The following KHDRBS2 variants were observed in gnomAD, a reference collection of about 807,000 sequenced individuals.
The protein encoded by KHDRBS2 is KH domain-containing, RNA-binding, signal transduction-associated protein 2.
A neutral mutation model predicts 44.3 loss-of-function variants in KHDRBS2; 26 were observed. The ratio of observed to expected loss-of-function variants is 0.59; its 90% CI spans 0.43 to 0.81. KHDRBS2 has a LOEUF of 0.81. Ranked by LOEUF, KHDRBS2 falls within the 40% of genes least tolerant of loss-of-function variation. The pLI is 0.00. For synonymous variants in KHDRBS2, 194 were observed against 151.1 expected (o/e 1.28, Z -2.08); for missense variants, 476 against 433.1 (o/e 1.10, Z -0.88).
the KHDRBS2 span, among the ~76,000 whole-genome samples, chr6:61,642,523 A>C: frequency 1.3e-5 from 2 of 150,046 alleles, no homozygotes; most frequent in Non-Finnish European, 3.0e-5. Context: ...TTAGCCGGGC[A>C]TGGTGGAGTG....
At chr6:61,586,786 G>A in the KHDRBS2 span, among the ~76,000 whole-genome samples, 56 of 152,152 alleles carry the variant, frequency 3.7e-4, no homozygotes, top group African/African-American at 1.0e-3. Flanking sequence ...TGAGGGAGAC[G>A]GAGGGCCCTG....
At chr6:61,756,862 C>T (rs1475116449) in intron 6 of KHDRBS2, among the ~76,000 whole-genome samples, 3 of 152,208 alleles carry the variant, frequency 2.0e-5, no homozygotes, top group African/African-American at 7.2e-5. Context: ...ATTCCTCTCT[C>T]CCTTCCCTCT....
chr6:62,105,028 T>C (rs1802831613), intron 2 of KHDRBS2, among the ~76,000 whole-genome samples: 1 of 152,068 alleles, frequency 6.6e-6, no homozygotes, highest in Non-Finnish European at 1.5e-5. Context: ...GTCTGTAAAT[T>C]GAAAACAGAA....
At chr6:61,905,461 A>C (rs954085377) in intron 4 of KHDRBS2, among the ~76,000 whole-genome samples, 4 of 152,194 alleles carry the variant, frequency 2.6e-5, no homozygotes, top group Non-Finnish European at 5.9e-5. Context: ...AAAAAAAAAA[A>C]TTGAAGGTGG....
chr6:61,945,148 T>TACACACAC (rs1227455840), intron 4 of KHDRBS2, among the ~76,000 whole-genome samples: 6 of 71,450 alleles, frequency 8.4e-5, no homozygotes, highest in African/African-American at 2.9e-4. Flanking sequence ...TATATATATA[T>TACACACAC]ATACACACAG....
At chr6:61,574,500 A>G in the KHDRBS2 span, 2 of 1,072,312 alleles carry the variant, frequency 1.9e-6, no homozygotes, top group Non-Finnish European at 2.6e-6. Flanking sequence ...TGCATTAAAA[A>G]TTTCGGCTGG....
chr6:62,069,181 C>T (rs566714997), intron 2 of KHDRBS2, among the ~76,000 whole-genome samples: 1 of 151,644 alleles, frequency 6.6e-6, no homozygotes, highest in African/African-American at 2.4e-5. Context: ...ACTAAGCCTA[C>T]TGTTGACTGG....
At chr6:62,207,161 A>C (rs1481781098) in intron 1 of KHDRBS2, among the ~76,000 whole-genome samples, 1 of 152,088 alleles carries the variant, frequency 6.6e-6, no homozygotes, top group East Asian at 1.9e-4. Flanking sequence ...TAATTTTCTA[A>C]ATTATAAAAC....
At chr6:61,569,629 C>T in the KHDRBS2 span, among the ~76,000 whole-genome samples, 12 of 152,146 alleles carry the variant, frequency 7.9e-5, no homozygotes, top group Admixed American at 2.0e-4. Context: ...AGGAAGCCAG[C>T]ACACTAAACA....
chr6:61,776,530 T>C (rs890307986), intron 6 of KHDRBS2, among the ~76,000 whole-genome samples: 3 of 152,112 alleles, frequency 2.0e-5, no homozygotes, highest in South Asian at 2.1e-4. Flanking sequence ...AAAGAACACA[T>C]GAAAAAATGC....
intron 6 of KHDRBS2, among the ~76,000 whole-genome samples, chr6:61,891,244 G>T (rs1042045142): frequency 5.9e-5 from 9 of 152,140 alleles, no homozygotes; most frequent in African/African-American, 2.2e-4. Flanking sequence ...CATTTTCATA[G>T]TACAATGATC....
chr6:61,575,210 T>C, the KHDRBS2 span, among the ~76,000 whole-genome samples: 1 of 152,276 alleles, frequency 6.6e-6, no homozygotes, highest in South Asian at 2.1e-4. Flanking sequence ...TTGCAAACTA[T>C]GCATCTGATA....
chr6:61,801,114 T>C (rs1267317510), intron 6 of KHDRBS2, among the ~76,000 whole-genome samples: 1 of 152,222 alleles, frequency 6.6e-6, no homozygotes, highest in African/African-American at 2.4e-5. Context: ...TTTTGTACAT[T>C]ACACTACATC....
the KHDRBS2 span, among the ~76,000 whole-genome samples, chr6:61,594,048 A>G: frequency 3.9e-5 from 6 of 152,174 alleles, no homozygotes; most frequent in South Asian, 1.2e-3. Flanking sequence ...TCATACAAAT[A>G]TGTATACTGC....
intron 6 of KHDRBS2, among the ~76,000 whole-genome samples, chr6:61,748,279 A>G (rs535498737): frequency 6.6e-6 from 1 of 152,072 alleles, no homozygotes; most frequent in African/African-American, 2.4e-5. Context: ...GTGAGCCACC[A>G]CACCCAGACT....
At chr6:62,060,709 T>C (rs1215323880) in intron 2 of KHDRBS2, among the ~76,000 whole-genome samples, 1 of 151,716 alleles carries the variant, frequency 6.6e-6, no homozygotes, top group Non-Finnish European at 1.5e-5. Flanking sequence ...ATTGCTCTTG[T>C]CTGCTATAAG....
At chr6:62,015,733 A>T (rs1011028687) in intron 3 of KHDRBS2, among the ~76,000 whole-genome samples, 2 of 152,224 alleles carry the variant, frequency 1.3e-5, no homozygotes, top group Admixed American at 6.5e-5. Context: ...GTTTGAAAAG[A>T]TAAAGGGTTT....
At chr6:61,741,914 G>A (rs1055957665) in intron 6 of KHDRBS2, among the ~76,000 whole-genome samples, 16 of 151,848 alleles carry the variant, frequency 1.1e-4, no homozygotes, top group African/African-American at 3.6e-4. Flanking sequence ...TTTAGCATCT[G>A]TTCATTATTT....
intron 6 of KHDRBS2, among the ~76,000 whole-genome samples, chr6:61,786,331 A>C (rs1333868531): frequency 6.6e-6 from 1 of 152,076 alleles, no homozygotes; most frequent in East Asian, 1.9e-4. Context: ...ATCTCTTATG[A>C]AACAGTCTTT....
Sources: gnomAD v4.1 joint callset for allele counts (sites outside exome capture counted in the v4.1 genomes callset) on GRCh38, gnomAD v4.1.1 for gene constraint, MANE v1.5 for transcripts, NCBI Gene and HGNC (gene_info 2026-07-23, HGNC 2026-07-21) for gene names.